The following IQSEC3 variants were observed in gnomAD, a reference collection of about 807,000 sequenced individuals.
The protein encoded by IQSEC3 is IQ motif and SEC7 domain-containing protein 3.
Under a neutral mutation model 105.4 loss-of-function variants are expected in IQSEC3, and 50 were observed. The ratio of observed to expected loss-of-function variants is 0.47; its 90% CI spans 0.38 to 0.60. IQSEC3 has a LOEUF of 0.60. Among genes scored for constraint, IQSEC3 ranks in the 20% least tolerant of loss-of-function variants. The pLI is 0.00. For synonymous variants in IQSEC3, 708 were observed against 746.0 expected, an observed-to-expected ratio of 0.95 and a Z score of 0.83; for missense variants, 1,415 against 1,630.0, an observed-to-expected ratio of 0.87 and a Z score of 2.27.
intron 2 of IQSEC3, among the ~76,000 whole-genome samples, chr12:104,968 T>C (rs1393553725): frequency 6.6e-6 from 1 of 152,268 alleles, no homozygotes; most frequent in Non-Finnish European, 1.5e-5. Context: ...CTCACGTGCC[T>C]GCTCCGGGAG....
At chr12:123,954 G>T (rs1555082475) in intron 2 of IQSEC3, among the ~76,000 whole-genome samples, 2 of 152,112 alleles carry the variant, frequency 1.3e-5, no homozygotes, top group African/African-American at 4.8e-5. Context: ...CATCCCCGTG[G>T]CCCCTGGGTT....
At position 71,691 on chromosome 12, in the gene IQSEC3, C is replaced by T. The variant is rs1275395972; in HGVS notation, c.554+4255C>T. Among the ~76,000 whole-genome samples, 5 of 152,412 alleles carry T rather than the reference C, an allele frequency of 3.3e-5. No individual in the cohort carries two copies. In the East Asian group the frequency reaches 9.6e-4, roughly 29 times the overall value. Reference sequence around the variant, plus strand: ...CCTCTGCTCATCCTAAGTCCCTACCCATGAGGCCAAACCCTATCACTAGGT... The same window carrying T: ...CCTCTGCTCATCCTAAGTCCCTACCTATGAGGCCAAACCCTATCACTAGGT... On this transcript the variant is annotated intron_variant, in intron 1 of 13. Transcript: ENST00000538872.
chr12:87,198 G>A (rs1184916958), intron 1 of IQSEC3, among the ~76,000 whole-genome samples: 1 of 152,034 alleles, frequency 6.6e-6, no homozygotes, highest in Non-Finnish European at 1.5e-5. Context: ...GAGGATGGAG[G>A]TTCATTATCA....
Position 157,155 on chromosome 12 carries a change from C to A in IQSEC3, c.2276+8C>A. ...GCTCATTGAGGCCTTCAGGTAAGGC[C>A]GCTTCCCAGCTCCACTCCCCAACAG... On this transcript the variant is annotated splice_region_variant and intron_variant, in intron 6 of 13. Transcript: ENST00000538872. 6.4e-7 allele frequency: 1 copy of A among 1,553,782 alleles called. No homozygotes were observed. Among genetic ancestry groups the A allele is most frequent in the Admixed American group, 1.9e-5 (1 of 51,890 alleles).
At chr12:161,836 G>A in intron 7 of IQSEC3, 90 bp from the exon 8 acceptor site, 1 of 1,373,162 alleles carries the variant, frequency 7.3e-7, no homozygotes, top group African/African-American at 1.4e-5. Context: ...GGAGCTCCAG[G>A]CTGGATGGGG....
At chr12:154,652 C>A (rs1371511079) in intron 5 of IQSEC3, among the ~76,000 whole-genome samples, 2 of 152,112 alleles carry the variant, frequency 1.3e-5, no homozygotes, top group African/African-American at 4.8e-5. Context: ...CGCTCCATGC[C>A]GCCCCCACCA....
chr12:96,499 G>A (rs1864246547), intron 1 of IQSEC3, among the ~76,000 whole-genome samples: 1 of 152,164 alleles, frequency 6.6e-6, no homozygotes, highest in Non-Finnish European at 1.5e-5. Flanking sequence ...CAGCTTTCCA[G>A]GGCCATTTCT....
At chr12:76,459 G>C (rs539177812) in intron 1 of IQSEC3, among the ~76,000 whole-genome samples, 34 of 152,360 alleles carry the variant, frequency 2.2e-4, no homozygotes, top group Middle Eastern at 3.4e-3. Context: ...AGATGCATAG[G>C]CTTCACAGCA....
At chr12:130,615 T>A (rs1202396502) in intron 3 of IQSEC3, among the ~76,000 whole-genome samples, 1 of 152,158 alleles carries the variant, frequency 6.6e-6, no homozygotes, top group Non-Finnish European at 1.5e-5. Flanking sequence ...TCTCATGACC[T>A]CACTACTAGC....
At chr12:155,525 C>T (rs968092782) in intron 5 of IQSEC3, among the ~76,000 whole-genome samples, 4 of 152,182 alleles carry the variant, frequency 2.6e-5, no homozygotes, top group Admixed American at 2.0e-4. Context: ...CCTTGTTCTC[C>T]CCAGAAACCT....
chr12:141,011 G>C lies in IQSEC3; in HGVS notation c.1992-113G>C. Reference sequence around the variant, plus strand: ...GCTCTGGTGAGAGAAGCTTCAATGGGGAACTGGATTTCCAAGAACCTCTGG... The same window carrying C: ...GCTCTGGTGAGAGAAGCTTCAATGGCGAACTGGATTTCCAAGAACCTCTGG... On this transcript the variant is annotated intron_variant, in intron 4 of 13. Coordinates refer to ENST00000538872, the MANE Select transcript of IQSEC3 (RefSeq NM_001170738.2). The C allele has an allele frequency of 6.4e-6, 7 of 1,088,986 alleles. 1 individual carries two copies. In the South Asian group the frequency reaches 1.1e-4, roughly 17 times the overall value. 67.5% of individuals were successfully genotyped at this position (1,088,986 alleles called of 1,614,324 possible).
intron 2 of IQSEC3, among the ~76,000 whole-genome samples, chr12:102,248 G>T (rs972617520): frequency 1.1e-4 from 16 of 151,920 alleles, no homozygotes; most frequent in African/African-American, 3.9e-4. Flanking sequence ...CTGGTTTCCC[G>T]CTAGCTCAGC....
intron 2 of IQSEC3, among the ~76,000 whole-genome samples, chr12:125,232 A>G (rs1034533579): frequency 6.6e-6 from 1 of 152,192 alleles, no homozygotes; most frequent in Admixed American, 6.5e-5. Context: ...AGCCGCCAGT[A>G]TCCCTGTGAG....
intron 2 of IQSEC3, among the ~76,000 whole-genome samples, chr12:100,461 G>C (rs1438076417): frequency 6.6e-6 from 1 of 152,202 alleles, no homozygotes; most frequent in Admixed American, 6.5e-5. Context: ...TAGTGATCTT[G>C]GGGCACAGAC....
chr12:109,653 G>A (rs1163809520), intron 2 of IQSEC3, among the ~76,000 whole-genome samples: 3 of 151,946 alleles, frequency 2.0e-5, no homozygotes, highest in Non-Finnish European at 4.4e-5. Context: ...TCCCTCCTCA[G>A]TGGCCGCACT....
chr12:168,427 C>G (rs1032520319), intron 11 of IQSEC3, among the ~76,000 whole-genome samples: 1 of 148,222 alleles, frequency 6.7e-6, no homozygotes, highest in African/African-American at 2.4e-5. Context: ...TCCCAGGCGC[C>G]GGGTGGAGAG....
intron 1 of IQSEC3, among the ~76,000 whole-genome samples, chr12:98,606 G>A (rs1337622513): frequency 6.6e-6 from 1 of 152,084 alleles, no homozygotes; most frequent in African/African-American, 2.4e-5. Flanking sequence ...CTTTTTCATC[G>A]ACACCAAATG....
At chr12:136,058 G>A (rs983947752) in intron 3 of IQSEC3, among the ~76,000 whole-genome samples, 1 of 152,234 alleles carries the variant, frequency 6.6e-6, no homozygotes, top group African/African-American at 2.4e-5. Context: ...GCACCTTGAA[G>A]ACCCCTCCAA....
chr12:105,708 C>A (rs1864625209), intron 2 of IQSEC3, among the ~76,000 whole-genome samples: 1 of 152,180 alleles, frequency 6.6e-6, no homozygotes, highest in Admixed American at 6.5e-5. Flanking sequence ...ATTAAAATAT[C>A]CCAGAGAGTA....
Sources: gnomAD v4.1 joint callset for allele counts (sites outside exome capture counted in the v4.1 genomes callset) on GRCh38, gnomAD v4.1.1 for gene constraint, MANE v1.5 for transcripts, NCBI Gene and HGNC (gene_info 2026-07-23, HGNC 2026-07-21) for gene names.